The following WDFY3 variants were observed in gnomAD, a reference collection of about 807,000 sequenced individuals.
WDFY3 encodes WD repeat and FYVE domain containing 3.
Under a neutral mutation model 409.6 loss-of-function variants are expected in WDFY3, and 66 were observed. The observed-to-expected ratio is 0.16, with a 90% CI of 0.13 to 0.20. The LOEUF is 0.20. Among genes scored for constraint, WDFY3 ranks in the 10% least tolerant of loss-of-function variants. The pLI, the probability that WDFY3 is intolerant of heterozygous loss-of-function variation, is 1.00. For missense variants in WDFY3, 3,031 were observed against 4,298.1 expected, an observed-to-expected ratio of 0.71 and a Z score of 8.24; for synonymous variants, 1,521 against 1,537.1, an observed-to-expected ratio of 0.99 and a Z score of 0.25.
chr4:84,930,017 C>T (rs1770552379), intron 2 of WDFY3, among the ~76,000 whole-genome samples: 1 of 152,014 alleles, frequency 6.6e-6, no homozygotes, highest in Non-Finnish European at 1.5e-5. Context: ...AGGACTGGAA[C>T]AAATCCTTCC....
intron 2 of WDFY3, among the ~76,000 whole-genome samples, chr4:84,912,347 A>G (rs983911493): frequency 2.0e-5 from 3 of 152,236 alleles, no homozygotes; most frequent in Non-Finnish European, 4.4e-5. Context: ...GAAACTGGTG[A>G]AGCCATCACT....
intron 2 of WDFY3, among the ~76,000 whole-genome samples, chr4:84,912,672 A>C (rs2150757130): frequency 6.6e-6 from 1 of 152,270 alleles, no homozygotes; most frequent in South Asian, 2.1e-4. Flanking sequence ...AAGTTCCCAG[A>C]CATTAAAAAA....
chr4:84,948,505 G>A (rs546932377), intron 1 of WDFY3, among the ~76,000 whole-genome samples: 22 of 152,184 alleles, frequency 1.4e-4, no homozygotes, highest in Non-Finnish European at 3.2e-4. Flanking sequence ...GCCTGGCTTC[G>A]CCTGTCACTT....
At chr4:84,938,310 T>A (rs1449827753) in intron 1 of WDFY3, among the ~76,000 whole-genome samples, 1 of 152,218 alleles carries the variant, frequency 6.6e-6, no homozygotes, top group East Asian at 1.9e-4. Flanking sequence ...ACTAGATTTT[T>A]GATGTAAAAG....
intron 7 of WDFY3, 30 bp downstream of exon 7, chr4:84,836,899 G>A (rs375039935): frequency 1.1e-4 from 167 of 1,455,400 alleles, no homozygotes; most frequent in Non-Finnish European, 1.4e-4. Flanking sequence ...TTTAAATAGG[G>A]TGGAGGTAGG....
At chr4:84,674,122 C>T (rs1477768407) in intron 67 of WDFY3, among the ~76,000 whole-genome samples, 1 of 152,198 alleles carries the variant, frequency 6.6e-6, no homozygotes, top group Admixed American at 6.5e-5. Flanking sequence ...CAGAACTTAT[C>T]ACTGTTTGGT....
chr4:84,721,537 C>T lies in WDFY3; in HGVS notation c.7477G>A (p.Ala2493Thr). 1 of 1,609,994 alleles carries T rather than the reference C, an allele frequency of 6.2e-7. No homozygotes were observed. The highest frequency in any genetic ancestry group is 1.1e-5 in the South Asian group (1 of 91,076). The change falls in exon 47 of 68, where the codon GCA becomes ACA. Residue 2493 changes from alanine to threonine, a missense_variant. Transcript: ENST00000295888. ...TTCTCCTCATCTCCTCCATCAGGTG[C>T]AGATCGGGAGCGTTTTAGAGGAGGC... ...VKPPLKRSRS[A>T]PDGGDEENQE...
In WDFY3 at chr4:84,956,373, C is replaced by T. The variant is rs529863391; in HGVS notation, c.-226+9836G>A. 7.2e-5 allele frequency among the ~76,000 whole-genome samples: 11 copies of T among 152,234 alleles called. 1 individual carries two copies. The South Asian group carries it at 1.7e-3, about 23-fold the overall frequency. On this transcript the variant is annotated intron_variant, in intron 1 of 67. Transcript: ENST00000295888. ...CAAGGACCCAGAGTGGAAAGAAGAG[C>T]CAATGCATGAAGAACCAGACGCCAG... is the stretch of plus-strand genomic sequence containing the variant.
chr4:84,831,658 C>T, intron 7 of WDFY3, 53 bp from the exon 8 acceptor site: 1 of 1,510,110 alleles, frequency 6.6e-7, no homozygotes. Flanking sequence ...ATCAAATAAT[C>T]TGATTTAAAA....
At chr4:84,905,949 T>G (rs1766988173) in intron 2 of WDFY3, among the ~76,000 whole-genome samples, 1 of 152,196 alleles carries the variant, frequency 6.6e-6, no homozygotes, top group African/African-American at 2.4e-5. Flanking sequence ...TAGAAGTACC[T>G]CTGCCTTCCC....
At chr4:84,673,604 C>T (rs930235823) in intron 67 of WDFY3, among the ~76,000 whole-genome samples, 9 of 152,052 alleles carry the variant, frequency 5.9e-5, no homozygotes, top group African/African-American at 2.2e-4. Flanking sequence ...GTCCCAACAC[C>T]CTCATTTCCT....
rs777127884 is a variant in WDFY3, at chr4:84,753,842, C to T, written c.5594G>A (p.Arg1865Gln). 14 of 1,604,514 alleles carry T rather than the reference C, an allele frequency of 8.7e-6. No homozygotes were observed. Among genetic ancestry groups the T allele is most frequent in the Non-Finnish European group, 8.5e-6 (10 of 1,176,086 alleles). The change falls in exon 35 of 68, where the codon CGA becomes CAA. Residue 1865 changes from arginine to glutamine, a missense_variant. By Grantham distance (43) the Arg-to-Gln change is conservative. Around this residue, in one of 16 missense-constraint regions of WDFY3, gnomAD observed 342 missense variants for 463.7 expected, o/e 0.74. Coordinates refer to ENST00000295888, the MANE Select transcript of WDFY3 (RefSeq NM_014991.6). Reference sequence around the variant, plus strand: ...CTGCATCAGGGTCACAGGATATTCTCGGAGCCAAGATCCCTCTTCTTCTGA... The same window carrying T: ...CTGCATCAGGGTCACAGGATATTCTTGGAGCCAAGATCCCTCTTCTTCTGA... ...WQSEEEGSWL[R>Q]EYPVTLMQFF...
intron 54 of WDFY3, among the ~76,000 whole-genome samples, chr4:84,705,073 A>G (rs1223384518): frequency 6.6e-6 from 1 of 152,190 alleles, no homozygotes. Context: ...ACAATAAATT[A>G]AAGTATGGTT....
At chr4:84,950,752 T>C (rs1178427010) in intron 1 of WDFY3, among the ~76,000 whole-genome samples, 1 of 152,122 alleles carries the variant, frequency 6.6e-6, no homozygotes, top group Non-Finnish European at 1.5e-5. Flanking sequence ...ATAGCATCAC[T>C]GCACTCCAGC....
At chr4:84,674,634 C>T (rs964640013) in intron 67 of WDFY3, among the ~76,000 whole-genome samples, 4 of 151,186 alleles carry the variant, frequency 2.6e-5, no homozygotes, top group Non-Finnish European at 5.9e-5. Context: ...CTTTGGGAGG[C>T]CAAGGTGGGC....
intron 5 of WDFY3, chr4:84,844,567 C>T: frequency 7.9e-7 from 1 of 1,262,736 alleles, no homozygotes; most frequent in Non-Finnish European, 1.0e-6. Context: ...TCCACTAATC[C>T]CACCACAAGA....
intron 15 of WDFY3, 103 bp downstream of exon 15, chr4:84,808,225 CAAAAAA>C: frequency 2.2e-6 from 2 of 918,838 alleles, no homozygotes; most frequent in Non-Finnish European, 3.2e-6. Context: ...CAAAACAAAA[CAAAAAA>C]AAACTGAAAT....
intron 36 of WDFY3, among the ~76,000 whole-genome samples, chr4:84,749,390 T>G (rs569362580): frequency 6.6e-6 from 1 of 152,328 alleles, no homozygotes; most frequent in South Asian, 2.1e-4. Context: ...CTATGTTCTT[T>G]ATTAGATAGT....
rs1036153396 is a variant in WDFY3, at chr4:84,800,077, G to A, written c.2822+1573C>T. Among the ~76,000 whole-genome samples, 14 of 152,186 alleles carry A rather than the reference G, an allele frequency of 9.2e-5. No individual in the cohort carries two copies. The South Asian group carries it at 2.3e-3, about 25-fold the overall frequency. On this transcript the variant is annotated intron_variant, in intron 17 of 67. Transcript: ENST00000295888. ...AATGCTATTTTCAAAACTTTAGGAC[G>A]GTGAGTACAACTACAAGATAATGGA...
Sources: gnomAD v4.1 joint callset for allele counts (sites outside exome capture counted in the v4.1 genomes callset) on GRCh38, gnomAD v4.1.1 for gene constraint, gnomAD v4.1.1 regional missense constraint, MANE v1.5 for transcripts, NCBI Gene and HGNC (gene_info 2026-07-23, HGNC 2026-07-21) for gene names.